Variants in STXBP2 observed in about 807,000 individuals in gnomAD.
STXBP2 encodes syntaxin binding protein 2, also known as syntaxin-binding protein 2.
A neutral mutation model predicts 72.2 loss-of-function variants in STXBP2; 47 were observed. That is an observed-to-expected ratio of 0.65 (90% CI 0.51 to 0.83). The LOEUF is 0.83. STXBP2 is among the 40% of genes least tolerant of loss of function. STXBP2 has a pLI of 0.00. For synonymous variants in STXBP2, 367 were observed against 338.7 expected, an observed-to-expected ratio of 1.08 and a Z score of -0.92; for missense variants, 702 against 807.6, an observed-to-expected ratio of 0.87 and a Z score of 1.58.
chr19:7,642,640 C>T lies in STXBP2; in HGVS notation c.902+104C>T, dbSNP rs537154880. 30 of 1,502,206 alleles carry T rather than the reference C, an allele frequency of 2.0e-5. No individual in the cohort carries two copies. The highest frequency in any genetic ancestry group is 5.2e-5 in the Admixed American group (3 of 57,704). The allele number at this position is 1,502,206 out of a possible 1,614,324, so 93.1% of individuals were successfully genotyped here. A position where few individuals can be genotyped will look rare whatever the true frequency, so the allele number is the denominator to read the frequency against. The stretch of plus-strand genomic sequence containing the variant: ...GCCAAGTCTTTGGCCCTCATGAGCA[C>T]CCCTCGTGTGACTCCAGACTGGCCT... On this transcript the variant is annotated intron_variant, in intron 10 of 18. Coordinates refer to ENST00000221283, the MANE Select transcript of STXBP2 (RefSeq NM_006949.4). The surrounding 1 kb of genome is among the most constrained non-coding windows in gnomAD (Gnocchi z 6.0).
At chr19:7,643,971 GCAC>G (rs2032013355) in intron 13 of STXBP2, among the ~76,000 whole-genome samples, 3 of 149,540 alleles carry the variant, frequency 2.0e-5, no homozygotes, top group African/African-American at 7.4e-5. Context: ...TCTGGGTGAG[GCAC>G]GGGGCCTTGG....
intron 4 of STXBP2, chr19:7,640,225 T>C (rs1191913984): frequency 1.9e-6 from 1 of 539,612 alleles, no homozygotes; most frequent in Admixed American, 2.2e-5. Context: ...TCTGCGTCTG[T>C]GTGTGCGTCT....
chr19:7,640,477 CAT>C (rs770477282), intron 4 of STXBP2: 8 of 635,020 alleles, frequency 1.3e-5, no homozygotes, highest in South Asian at 1.1e-4. Flanking sequence ...TCTGTGTGTG[CAT>C]GTGTGTATGT....
chr19:7,632,715 C>T (rs775127528), upstream of STXBP2: 18 of 1,556,804 alleles, frequency 1.2e-5, no homozygotes, highest in South Asian at 4.7e-5. This position sits in a 1 kb window ranked among gnomAD's most constrained non-coding sequence, Gnocchi z 5.2. Flanking sequence ...CCCATGCTCA[C>T]GGCTCTTGGT....
At chr19:7,630,848 T>G in the STXBP2 span, 1 of 1,537,212 alleles carries the variant, frequency 6.5e-7, no homozygotes, top group Non-Finnish European at 8.7e-7. Context: ...CCTGAGAAGG[T>G]AAGTGATCTC....
upstream of STXBP2, among the ~76,000 whole-genome samples, chr19:7,634,207 G>A (rs1042718151): frequency 9.2e-5 from 14 of 152,284 alleles, no homozygotes; most frequent in Admixed American, 7.8e-4. Flanking sequence ...AGAGGCAGGC[G>A]GGGAGAGGAC....
chr19:7,641,787 T>C lies in STXBP2; in HGVS notation c.512T>C (p.Val171Ala). The change falls in exon 7 of 19, where the codon GTG becomes GCG. Residue 171 changes from valine to alanine, a missense_variant. Coordinates refer to ENST00000221283, the MANE Select transcript of STXBP2 (RefSeq NM_006949.4). Reference sequence around the variant, plus strand: ...GAGGAGCGCACGCGGCAGCTCGAGGTGCTGGCCCAGCAGATTGCCACGCTG... The same window carrying C: ...GAGGAGCGCACGCGGCAGCTCGAGGCGCTGGCCCAGCAGATTGCCACGCTG... ...RAEERTRQLEVLAQQIATLCA... is the reference protein window; with the variant it reads ...RAEERTRQLEALAQQIATLCA... 1 of 1,551,468 alleles carries C rather than the reference T, an allele frequency of 6.4e-7. No homozygotes were observed. The highest frequency in any genetic ancestry group is 1.2e-5 in the South Asian group (1 of 84,116).
rs761106521 is a variant in STXBP2, at chr19:7,647,361, T to C, written c.1546T>C (p.Phe516Leu). 1 of 1,613,246 alleles carries C rather than the reference T, an allele frequency of 6.2e-7. No homozygotes were observed. Among genetic ancestry groups the C allele is most frequent in the South Asian group, 1.1e-5 (1 of 91,074 alleles). Residue 516 changes from phenylalanine to leucine, a missense_variant, in exon 18 of 19, where the codon TTC becomes CTC. Phe to Leu is a conservative substitution (Grantham distance 22). Transcript: ENST00000221283. ...ASSQAAVSARFGHWHKNKAGI... is the reference protein window; with the variant it reads ...ASSQAAVSARLGHWHKNKAGI... ...TGCCCCTGCCCTGCACAGTGCCCGC[T>C]TCGGTCACTGGCACAAGAACAAGGC...
At position 7,640,124 on chromosome 19, in the gene STXBP2, GTGTA is replaced by G. The variant is rs202237010; in HGVS notation, c.246+325_246+328del. ...TGTGTCTGTGCATGTGTGTATGCGTGTGTATGTATGTGTGTGTGCATCTGTGTGC... is the reference window on the plus strand; with the variant it reads ...TGTGTCTGTGCATGTGTGTATGCGTGTGTATGTGTGTGTGCATCTGTGTGC... On this transcript the variant is annotated intron_variant, in intron 4 of 18. Coordinates refer to ENST00000221283, the MANE Select transcript of STXBP2 (RefSeq NM_006949.4). 2.4e-4 allele frequency: 140 copies of G among 572,964 alleles called. 3 individuals carry two copies. Among genetic ancestry groups the G allele is most frequent in the South Asian group, 9.1e-4 (58 of 64,084 alleles). 35.5% of individuals were successfully genotyped at this position (572,964 alleles called of 1,614,324 possible).
intron 14 of STXBP2, 151 bp from the exon 15 acceptor site, chr19:7,645,046 T>A: frequency 6.9e-7 from 1 of 1,455,822 alleles, no homozygotes; most frequent in South Asian, 1.3e-5. Flanking sequence ...GGTTTCCCAC[T>A]CTTGCTCACA....
rs2032045050 is a variant in STXBP2 at position 7,644,401 on chromosome 19, G to A, written c.1108-213G>A. The A allele has an allele frequency of 1.4e-5, 9 of 623,332 alleles. No homozygotes were observed. In the South Asian group the frequency reaches 1.7e-4, roughly 12 times the overall value. 38.6% of individuals were successfully genotyped at this position (623,332 alleles called of 1,614,324 possible). A position where few individuals can be genotyped will look rare whatever the true frequency, so the allele number is the denominator to read the frequency against. ...AGTGGTGTGACCTGTGTGTAGGTGG[G>A]TGGGGCACTGGAAAGGTGGGACCTG... On this transcript the variant is annotated intron_variant, in intron 13 of 18. Coordinates refer to ENST00000221283, the MANE Select transcript of STXBP2 (RefSeq NM_006949.4).
At chr19:7,633,337 A>C, upstream of STXBP2, 1 of 1,155,620 alleles carries the variant, frequency 8.7e-7, no homozygotes, top group Non-Finnish European at 1.2e-6. Context: ...GGTGCCCTAC[A>C]AACTAGTCTT....
upstream of STXBP2, among the ~76,000 whole-genome samples, chr19:7,634,617 G>A (rs547233232): frequency 8.5e-5 from 13 of 152,344 alleles, no homozygotes; most frequent in Non-Finnish European, 1.5e-4. Context: ...TGATCCTCCT[G>A]CCTGGGCCTC....
intron 2 of STXBP2, 38 bp from the exon 3 acceptor site, chr19:7,638,981 G>A (rs372119250): frequency 3.8e-5 from 61 of 1,612,374 alleles, no homozygotes; most frequent in African/African-American, 2.8e-4. Context: ...GGCCTCTTCC[G>A]CCTGCTCCTC....
rs1308944110 is a variant in STXBP2, at chr19:7,642,562, C to T, written c.902+26C>T. The T allele has an allele frequency of 4.3e-6, 7 of 1,610,802 alleles. No homozygotes were observed. Among genetic ancestry groups the T allele is most frequent in the East Asian group, 2.2e-5 (1 of 44,862 alleles). Reference sequence around the variant, plus strand: ...GTGCGTGCACACGGGGACCGGATCCCCCCCCCACCGCCCACTGTGGGCCTG... The same window carrying T: ...GTGCGTGCACACGGGGACCGGATCCTCCCCCCACCGCCCACTGTGGGCCTG... On this transcript the variant is annotated intron_variant, in intron 10 of 18. Transcript: ENST00000221283. This position sits in a 1 kb window ranked among gnomAD's most constrained non-coding sequence, Gnocchi z 6.0.
chr19:7,631,440 C>G, the STXBP2 span: 5 of 1,521,592 alleles, frequency 3.3e-6, no homozygotes, highest in Non-Finnish European at 4.4e-6. Flanking sequence ...TGCCCCTCCC[C>G]CCTTCCTGTC....
upstream of STXBP2, chr19:7,632,591 A>T: frequency 1.3e-6 from 2 of 1,596,752 alleles, no homozygotes. The surrounding 1 kb of genome is among the most constrained non-coding windows in gnomAD (Gnocchi z 5.2). Context: ...TCACCCCCAC[A>T]CAGATGCTTC....
intron 4 of STXBP2, 175 bp downstream of exon 4, chr19:7,639,982 G>A: frequency 3.9e-6 from 3 of 759,966 alleles, no homozygotes; most frequent in Non-Finnish European, 6.7e-6. Flanking sequence ...GCATGTGTGT[G>A]CGTGTTTGCA....
rs1296655409 is a variant in STXBP2 at position 7,645,255 on chromosome 19, C to T, written c.1305C>T (p.Ser435=). The change falls in exon 15 of 19, where the codon AGC becomes AGT. Residue 435 remains serine (S), a synonymous_variant. Transcript: ENST00000221283. ...AGCATGCCAATGTACAGGCGCACAG[C>T]AGCCTCATCCGTAACCTGGAGCAGC... ...LIQHANVQAH[S]SLIRNLEQLG... 2 of 1,585,452 alleles carry T rather than the reference C, an allele frequency of 1.3e-6. No individual in the cohort carries two copies. The highest frequency in any genetic ancestry group is 1.8e-5 in the Admixed American group (1 of 56,504).
Sources: allele counts gnomAD v4.1 joint callset (sites outside exome capture counted in the v4.1 genomes callset), GRCh38; gene constraint gnomAD v4.1.1; non-coding constraint Gnocchi (gnomAD v3.1); transcripts MANE v1.5; gene names NCBI Gene and HGNC (gene_info 2026-07-23, HGNC 2026-07-21).